LIMCH1: variants seen among roughly 807,000 people sequenced by gnomAD.
LIMCH1 encodes the protein LIM and calponin homology domains 1, also known as LIM and calponin homology domains-containing protein 1.
Under a neutral mutation model 176.5 loss-of-function variants are expected in LIMCH1, and 113 were observed. That is an observed-to-expected ratio of 0.64 (90% CI 0.55 to 0.75). The LOEUF is 0.75. LIMCH1 is among the 30% of genes least tolerant of loss of function. LIMCH1 has a pLI of 0.00. For synonymous variants in LIMCH1, 619 were observed against 645.9 expected, an observed-to-expected ratio of 0.96 and a Z score of 0.63; for missense variants, 1,674 against 1,814.9, an observed-to-expected ratio of 0.92 and a Z score of 1.41.
chr4:41,539,973 C>T (rs1389479228), intron 1 of LIMCH1, among the ~76,000 whole-genome samples: 1 of 152,162 alleles, frequency 6.6e-6, no homozygotes, highest in East Asian at 1.9e-4. Flanking sequence ...GGATACTGTT[C>T]CCCATAGGCT....
intron 1 of LIMCH1, among the ~76,000 whole-genome samples, chr4:41,426,511 T>C (rs2061121187): frequency 6.6e-6 from 1 of 152,270 alleles, no homozygotes; most frequent in Non-Finnish European, 1.5e-5. Context: ...AGAAATATTA[T>C]ATGCTTAGAG....
At chr4:41,359,866 T>C (rs937664832), upstream of LIMCH1, 3 of 152,094 alleles carry the variant, frequency 2.0e-5, no homozygotes, top group Non-Finnish European at 2.9e-5. Flanking sequence ...TTTCTTTCCA[T>C]GTCATTATCT....
chr4:41,632,273 G>T (rs930983209), intron 10 of LIMCH1, among the ~76,000 whole-genome samples: 3 of 152,182 alleles, frequency 2.0e-5, no homozygotes, highest in Non-Finnish European at 2.9e-5. Flanking sequence ...AGGAAGAAGT[G>T]TTCATAGCAT....
chr4:41,689,427 A>G, intron 29 of LIMCH1, 100 bp from the exon 30 acceptor site: 1 of 649,552 alleles, frequency 1.5e-6, no homozygotes, highest in Admixed American at 2.3e-5. Context: ...AGGCATCTTA[A>G]AAATCCATAT....
chr4:41,597,724 G>A (rs1317320897), intron 1 of LIMCH1, among the ~76,000 whole-genome samples: 1 of 152,100 alleles, frequency 6.6e-6, no homozygotes, highest in Non-Finnish European at 1.5e-5. Flanking sequence ...CCCTGATTAG[G>A]TCAGGCCCAA....
At chr4:41,460,458 C>CTTTATATTTATATATATA (rs372751468) in intron 1 of LIMCH1, among the ~76,000 whole-genome samples, 2 of 110,546 alleles carry the variant, frequency 1.8e-5, no homozygotes, top group African/African-American at 7.9e-5. Context: ...TAGTAATCAT[C>CTTTATATTTATATATATA]TATATATATA....
At chr4:41,387,930 C>T (rs932483877) in intron 1 of LIMCH1, among the ~76,000 whole-genome samples, 19 of 151,868 alleles carry the variant, frequency 1.3e-4, no homozygotes, top group African/African-American at 4.1e-4. Context: ...GGCAACATGG[C>T]GAAACCCTGC....
At chr4:41,521,652 T>G (rs1583447699) in intron 2 of LIMCH1, among the ~76,000 whole-genome samples, 1 of 152,304 alleles carries the variant, frequency 6.6e-6, no homozygotes. Context: ...TTGAGTATTA[T>G]AAACAGAACA....
intron 1 of LIMCH1, among the ~76,000 whole-genome samples, chr4:41,411,766 C>T (rs1295934045): frequency 6.6e-6 from 1 of 151,520 alleles, no homozygotes; most frequent in African/African-American, 2.4e-5. Context: ...CAAGACCAGC[C>T]TGGCCAAATG....
chr4:41,457,297 A>G (rs78567899), intron 1 of LIMCH1, among the ~76,000 whole-genome samples: 1,802 of 152,208 alleles, frequency 0.012, 42 homozygotes, highest in African/African-American at 0.04. Context: ...AGGTATAGAC[A>G]GTTTATTTTC....
chr4:41,645,962 C>A (rs1354109564), intron 15 of LIMCH1, among the ~76,000 whole-genome samples, 161 bp from the exon 16 acceptor site: 2 of 152,220 alleles, frequency 1.3e-5, no homozygotes, highest in African/African-American at 4.8e-5. Context: ...ATTCCAGTTC[C>A]AACCAGACTT....
At chr4:41,599,270 G>A in intron 2 of LIMCH1, 5 of 357,186 alleles carry the variant, frequency 1.4e-5, no homozygotes, top group South Asian at 4.6e-5. Context: ...ATTTTGAAGA[G>A]GAGAAAAATG....
intron 1 of LIMCH1, among the ~76,000 whole-genome samples, chr4:41,574,905 A>T (rs759573155): frequency 6.6e-6 from 1 of 152,204 alleles, no homozygotes; most frequent in Non-Finnish European, 1.5e-5. Context: ...CTCATCTGTC[A>T]GTTAGGAACC....
At position 41,613,642 on chromosome 4, in the gene LIMCH1, C is replaced by G. The variant is rs745774804; in HGVS notation, c.186C>G (p.Val62=). 6.2e-7 allele frequency: 1 copy of G among 1,614,048 alleles called. No individual in the cohort carries two copies. Among genetic ancestry groups the G allele is most frequent in the East Asian group, 2.2e-5 (1 of 44,872 alleles). ...GGCAGACGCCTTCACCAGATGTAGTCCTCAGGGGAAGCAGCGATGGTAGGT... is the reference window on the plus strand; with the variant it reads ...GGCAGACGCCTTCACCAGATGTAGTGCTCAGGGGAAGCAGCGATGGTAGGT... ...RSRQTPSPDV[V]LRGSSDGRGS... is the part of the protein sequence containing the mutation. Residue 62 remains valine, a synonymous_variant, in exon 5 of 32, where the codon GTC becomes GTG. Coordinates refer to ENST00000503057, the MANE Select transcript of LIMCH1 (RefSeq NM_001330672.2).
chr4:41,461,301 C>T (rs972486151), intron 1 of LIMCH1, among the ~76,000 whole-genome samples: 2 of 152,176 alleles, frequency 1.3e-5, no homozygotes, highest in Non-Finnish European at 2.9e-5. Flanking sequence ...GTTGGCCATG[C>T]TTCTCTCACT....
At chr4:41,432,975 G>A (rs917642609) in intron 1 of LIMCH1, among the ~76,000 whole-genome samples, 9 of 152,128 alleles carry the variant, frequency 5.9e-5, no homozygotes, top group Non-Finnish European at 8.8e-5. Flanking sequence ...CTTAACAATC[G>A]GCATTATGTT....
chr4:41,454,936 GTACA>G (rs1287401308), intron 1 of LIMCH1, among the ~76,000 whole-genome samples: 2 of 143,240 alleles, frequency 1.4e-5, no homozygotes, highest in African/African-American at 5.6e-5. Flanking sequence ...GCTTGTATGC[GTACA>G]TGTGTGTGTG....
chr4:41,494,245 C>T (rs752648844), intron 1 of LIMCH1, among the ~76,000 whole-genome samples: 2 of 150,448 alleles, frequency 1.3e-5, no homozygotes, highest in African/African-American at 4.9e-5. Context: ...AGATTTTCCC[C>T]ATTCTTGGAA....
chr4:41,588,954 C>A (rs533003746), intron 1 of LIMCH1, among the ~76,000 whole-genome samples: 1 of 152,284 alleles, frequency 6.6e-6, no homozygotes, highest in South Asian at 2.1e-4. Context: ...CAAGAGATGG[C>A]TGGGTTCGAT....
Sources: allele counts gnomAD v4.1 joint callset (sites outside exome capture counted in the v4.1 genomes callset), GRCh38; gene constraint gnomAD v4.1.1; transcripts MANE v1.5; gene names NCBI Gene and HGNC (gene_info 2026-07-23, HGNC 2026-07-21).